The following RPTOR variants were observed in gnomAD, a reference collection of about 807,000 sequenced individuals.
The protein encoded by RPTOR is regulatory associated protein of MTOR complex 1.
In RPTOR, 21 loss-of-function variants were observed where a neutral mutation model predicts 169.9. That is an observed-to-expected ratio of 0.12 (90% CI 0.09 to 0.18). RPTOR has a LOEUF of 0.18. Among genes scored for constraint, RPTOR ranks in the 10% least tolerant of loss-of-function variants. The pLI, the probability that RPTOR is intolerant of heterozygous loss-of-function variation, is 1.00. For missense variants in RPTOR, 1,133 were observed against 1,855.9 expected, an observed-to-expected ratio of 0.61 and a Z score of 7.16; for synonymous variants, 732 against 753.2, an observed-to-expected ratio of 0.97 and a Z score of 0.46.
intron 12 of RPTOR, 84 bp from the exon 13 acceptor site, chr17:80,857,706 C>T (rs924271241): frequency 2.6e-5 from 22 of 858,148 alleles, no homozygotes; most frequent in African/African-American, 2.1e-4. Context: ...AAGATAGCAC[C>T]GCAGCTGGTC....
At position 80,651,956 on chromosome 17, in the gene RPTOR, T is replaced by C. The variant is rs8066384; in HGVS notation, c.348+8146T>C. Among the ~76,000 whole-genome samples the C allele has an allele frequency of 0.75, 112,948 of 150,988 alleles. 43,149 individuals carry two copies. The highest frequency in any genetic ancestry group is 0.9 in the African/African-American group (36,992 of 41,154). ...CCGGGAGGTGGAGCTTGCAGTGAGC[T>C]GAGATCACGCCACTGCACTCCAGCC... On this transcript the variant is annotated intron_variant, in intron 3 of 33. Coordinates refer to ENST00000306801, the MANE Select transcript of RPTOR (RefSeq NM_020761.3). The surrounding 1 kb of genome is among the most constrained non-coding windows in gnomAD (Gnocchi z 4.1).
intron 1 of RPTOR, among the ~76,000 whole-genome samples, chr17:80,546,619 T>C (rs576750660): frequency 6.6e-6 from 1 of 152,314 alleles, no homozygotes; most frequent in Non-Finnish European, 1.5e-5. Context: ...AGTTATTTTC[T>C]CCCTCCAGGC....
rs1026757845 is a variant in RPTOR at position 80,898,803 on chromosome 17, G to A, written c.2401+4938G>A. Among the ~76,000 whole-genome samples the A allele has an allele frequency of 7.3e-5, 11 of 151,020 alleles. No homozygotes were observed. In the South Asian group the frequency reaches 2.1e-3, roughly 29 times the overall value. ...AGTTTTGATGATGGGCTTTTCACTT[G>A]TGTTCAGCTTCAAGCTTTCTTTCTA... On this transcript the variant is annotated intron_variant, in intron 20 of 33. Transcript: ENST00000306801.
intron 5 of RPTOR, 31 bp from the exon 6 acceptor site, chr17:80,753,979 A>G: frequency 6.3e-7 from 1 of 1,590,494 alleles, no homozygotes. Context: ...GCTAAATCAC[A>G]CTCTCTTTTC....
At chr17:80,939,010 A>G (rs1279888775) in intron 24 of RPTOR, among the ~76,000 whole-genome samples, 1 of 152,140 alleles carries the variant, frequency 6.6e-6, no homozygotes, top group East Asian at 1.9e-4. Context: ...CTTTATTCCC[A>G]TTTCTTCTAT....
chr17:80,611,931 C>T (rs1364857547), intron 1 of RPTOR, among the ~76,000 whole-genome samples: 3 of 152,096 alleles, frequency 2.0e-5, no homozygotes, highest in Non-Finnish European at 2.9e-5. Flanking sequence ...CTCATGGCAT[C>T]ATTTCACTTG....
At position 80,865,025 on chromosome 17, in the gene RPTOR, G is replaced by A. The variant is rs530667453; in HGVS notation, c.1509+7125G>A. On this transcript the variant is annotated intron_variant, in intron 13 of 33. Transcript: ENST00000306801. Reference sequence around the variant, plus strand: ...TAACATTTGTAAGAGCAAAATGCATGCTAACAGTAACAAAAAGATGGGGAG... The same window carrying A: ...TAACATTTGTAAGAGCAAAATGCATACTAACAGTAACAAAAAGATGGGGAG... Among the ~76,000 whole-genome samples, 19 of 152,208 alleles carry A rather than the reference G, an allele frequency of 1.2e-4. 1 individual carries two copies. The highest frequency in any genetic ancestry group is 2.0e-4 in the Admixed American group (3 of 15,280).
Position 80,708,008 on chromosome 17 carries a change from G to A in RPTOR, c.507+9G>A. The A allele has an allele frequency of 6.2e-7, 1 of 1,608,962 alleles. No homozygotes were observed. On this transcript the variant is annotated intron_variant, in intron 4 of 33. Coordinates refer to ENST00000306801, the MANE Select transcript of RPTOR (RefSeq NM_020761.3). This position sits in a 1 kb window ranked among gnomAD's most constrained non-coding sequence, Gnocchi z 4.2. ...TCTGGGTCTTCAACAAGGTGGGTGT[G>A]CCTTCCAGCTTCCTTCCCGTTTCTG...
chr17:80,873,138 G>T (rs1052534484), intron 13 of RPTOR, among the ~76,000 whole-genome samples: 3 of 152,188 alleles, frequency 2.0e-5, no homozygotes, highest in African/African-American at 7.2e-5. Context: ...TCAAGGCTGG[G>T]TTCGTTGCAG....
rs2069319802 is a variant in RPTOR, at chr17:80,960,329, C to A, written c.3605+124C>A. The stretch of plus-strand genomic sequence containing the variant: ...GTGAGATGCAAAGCTTCCCCAGGAG[C>A]CTGCAGTGGCGTATTTAGGCCAGTC... On this transcript the variant is annotated intron_variant, in intron 30 of 33. Coordinates refer to ENST00000306801, the MANE Select transcript of RPTOR (RefSeq NM_020761.3). The surrounding 1 kb of genome is among the most constrained non-coding windows in gnomAD (Gnocchi z 4.8). The A allele has an allele frequency of 3.0e-6, 4 of 1,329,930 alleles. No homozygotes were observed. The highest frequency in any genetic ancestry group is 4.1e-6 in the Non-Finnish European group (4 of 964,418). 82.4% of individuals were successfully genotyped at this position (1,329,930 alleles called of 1,614,324 possible).
At chr17:80,892,972 T>C (rs1424618254) in intron 19 of RPTOR, 103 bp downstream of exon 19, 3 of 1,379,568 alleles carry the variant, frequency 2.2e-6, no homozygotes, top group Non-Finnish European at 2.0e-6. Context: ...CCCCTTCGTC[T>C]AAGTGCGTGC....
intron 26 of RPTOR, among the ~76,000 whole-genome samples, chr17:80,946,894 G>A (rs558530283): frequency 8.1e-4 from 123 of 152,352 alleles, no homozygotes; most frequent in African/African-American, 2.8e-3. Flanking sequence ...GGAACCACCA[G>A]GCTGTTTTCT....
At chr17:80,602,203 C>A (rs1324801012) in intron 1 of RPTOR, among the ~76,000 whole-genome samples, 1 of 68,112 alleles carries the variant, frequency 1.5e-5, no homozygotes, top group African/African-American at 6.9e-5. Context: ...GGGGCTGACC[C>A]CCCCACCTCC....
At chr17:80,772,455 C>T (rs2066853790) in intron 6 of RPTOR, among the ~76,000 whole-genome samples, 1 of 123,530 alleles carries the variant, frequency 8.1e-6, no homozygotes, top group Non-Finnish European at 1.7e-5. Flanking sequence ...ATGCCTGGAC[C>T]CCCTTCCTCT....
chr17:80,779,873 C>T (rs2066923566), intron 6 of RPTOR, among the ~76,000 whole-genome samples: 1 of 152,088 alleles, frequency 6.6e-6, no homozygotes, highest in Admixed American at 6.5e-5. Context: ...TGTTTGCCAC[C>T]AGAATGCCAG....
In RPTOR at chr17:80,733,898, A is replaced by G. The variant is rs1229930192; in HGVS notation, c.654+3192A>G. ...GCTTTTATTTCTAGTTTTATCAGTAATAGCTCATTTCTTCCATTTTCAAGG... is the reference window on the plus strand; with the variant it reads ...GCTTTTATTTCTAGTTTTATCAGTAGTAGCTCATTTCTTCCATTTTCAAGG... On this transcript the variant is annotated intron_variant, in intron 5 of 33. Coordinates refer to ENST00000306801, the MANE Select transcript of RPTOR (RefSeq NM_020761.3). 2.6e-5 allele frequency among the ~76,000 whole-genome samples: 4 copies of G among 152,178 alleles called. No individual in the cohort carries two copies. The East Asian group carries it at 7.7e-4, about 29-fold the overall frequency.
intron 1 of RPTOR, among the ~76,000 whole-genome samples, chr17:80,615,817 T>C (rs530282104): frequency 9.2e-5 from 14 of 152,292 alleles, no homozygotes; most frequent in African/African-American, 3.1e-4. Flanking sequence ...GTCATCTTCC[T>C]GAAAATATCC....
Position 80,754,060 on chromosome 17 carries a change from G to A in RPTOR, c.705G>A (p.Pro235=), listed in dbSNP as rs369113025. The A allele has an allele frequency of 9.9e-6, 16 of 1,613,962 alleles. No homozygotes were observed. The highest frequency in any genetic ancestry group is 4.0e-5 in the African/African-American group (3 of 74,892). Residue 235 remains proline (P), a synonymous_variant, in exon 6 of 34, where the codon CCG becomes CCA. Transcript: ENST00000306801. The surrounding 1 kb of genome is among the most constrained non-coding windows in gnomAD (Gnocchi z 4.2). Reference sequence around the variant, plus strand: ...CTCTTGCTCAGATGCCTTTGCCTCCGTCGATGAAAAACTGCATCCAGCTGG... The same window carrying A: ...CTCTTGCTCAGATGCCTTTGCCTCCATCGATGAAAAACTGCATCCAGCTGG... The part of the protein sequence containing the change: ...NHPLAQMPLP[P]SMKNCIQLAA...
intron 21 of RPTOR, among the ~76,000 whole-genome samples, chr17:80,917,219 TCTG>T (rs1382981460): frequency 1.8e-4 from 26 of 142,352 alleles, no homozygotes; most frequent in African/African-American, 6.5e-4. Flanking sequence ...TTCAAGCAAT[TCTG>T]CTGCCTCGGC....
Sources: allele counts gnomAD v4.1 joint callset (sites outside exome capture counted in the v4.1 genomes callset), GRCh38; gene constraint gnomAD v4.1.1; non-coding constraint Gnocchi (gnomAD v3.1); transcripts MANE v1.5; gene names NCBI Gene and HGNC (gene_info 2026-07-23, HGNC 2026-07-21).